TSC2: variants seen among roughly 807,000 people sequenced by gnomAD.
TSC2 encodes TSC complex subunit 2.
In TSC2, 29 loss-of-function variants were observed where a neutral mutation model predicts 202.2. The observed-to-expected ratio is 0.14, with a 90% CI of 0.11 to 0.20. The LOEUF (loss-of-function observed/expected upper bound fraction) is 0.20. TSC2 is among the 10% of genes least tolerant of loss of function. The pLI is 1.00. For missense variants in TSC2, 2,429 were observed against 2,420.0 expected, an observed-to-expected ratio of 1.00 and a Z score of -0.08; for synonymous variants, 1,349 against 1,044.0, an observed-to-expected ratio of 1.29 and a Z score of -5.63.
In TSC2 at chr16:2,056,704, C is replaced by A. The variant is rs1555498859; in HGVS notation, c.709C>A (p.Pro237Thr). ...CYNCLPAESLPLFIVTLCRTI... is the reference protein window; with the variant it reads ...CYNCLPAESLTLFIVTLCRTI... ...CAACTGCCTGCCGGCTGAGAGCCTC[C>A]CGCTGTTCATCGTTACCCTCTGTCG... The change falls in exon 8 of 42, where the codon CCG (proline) becomes ACG (threonine). Residue 237 changes from proline to threonine, a missense_variant. By Grantham distance (38) the Pro-to-Thr change is conservative. Coordinates refer to ENST00000219476, the MANE Select transcript of TSC2 (RefSeq NM_000548.5). The A allele has an allele frequency of 6.2e-7, 1 of 1,612,664 alleles. No homozygotes were observed. Among genetic ancestry groups the A allele is most frequent in the Non-Finnish European group, 8.5e-7 (1 of 1,180,010 alleles).
chr16:2,087,345 C>T (rs1243030859), intron 38 of TSC2: 7 of 335,382 alleles, frequency 2.1e-5, no homozygotes, highest in Non-Finnish European at 4.0e-5. Context: ...CCAGGCAGGG[C>T]AGATAGGCTG....
At chr16:2,083,911 G>A (rs1192249058) in intron 33 of TSC2, 95 bp downstream of exon 33, 2 of 1,497,956 alleles carry the variant, frequency 1.3e-6, no homozygotes, top group Non-Finnish European at 1.8e-6. Flanking sequence ...CTGGGAACTG[G>A]CTCTGAACTT....
At position 2,089,032 on chromosome 16, in the gene TSC2, G is replaced by C. The variant is rs1204114312; in HGVS notation, c.*422G>C. 9.8e-6 allele frequency: 2 copies of C among 203,098 alleles called. No individual in the cohort carries two copies. The highest frequency in any genetic ancestry group is 9.1e-5 in the South Asian group (1 of 10,946). 12.6% of individuals were successfully genotyped at this position (203,098 alleles called of 1,614,324 possible). ...CAGCAGGCCTGGGCGCTGCTCTCTT[G>C]CTACCTGGCCTGGGGCAAGGGAGGA... On this transcript the variant is annotated 3_prime_UTR_variant, in exon 42 of 42. Coordinates refer to ENST00000219476, the MANE Select transcript of TSC2 (RefSeq NM_000548.5).
Position 2,078,783 on chromosome 16 carries a change from C to G in TSC2, c.2967-249C>G, listed in dbSNP as rs547188827. 176 of 565,386 alleles carry G rather than the reference C, an allele frequency of 3.1e-4. 3 individuals are homozygous for G. The highest frequency in any genetic ancestry group is 2.3e-3 in the South Asian group (115 of 50,318). The allele number at this position is 565,386 out of a possible 1,614,324, so 35.0% of individuals were successfully genotyped here. A position where few individuals can be genotyped will look rare whatever the true frequency, so the allele number is the denominator to read the frequency against. Reference sequence around the variant, plus strand: ...CCGTGGGCTTCGGTGAGGGGGATGTCGGTCTCTAGCCTCCTGAGTCTGCTC... The same window carrying G: ...CCGTGGGCTTCGGTGAGGGGGATGTGGGTCTCTAGCCTCCTGAGTCTGCTC... On this transcript the variant is annotated intron_variant, in intron 26 of 41. Transcript: ENST00000219476.
At chr16:2,061,571 G>C in intron 11 of TSC2, 2 of 470,750 alleles carry the variant, frequency 4.2e-6, no homozygotes, top group South Asian at 4.1e-5. Flanking sequence ...AGATTCCTTG[G>C]GGGGTGGGGT....
Position 2,083,651 on chromosome 16 carries a change from C to CT in TSC2, c.3884-43dup, listed in dbSNP as rs750581621. On this transcript the variant is annotated intron_variant, in intron 32 of 41. Transcript: ENST00000219476. ...TCGGAGGCCACGTCAGGGCCAGGGCCTGGCCCAGCCCCACATCCAGCAGCC... is the reference window on the plus strand; with the variant it reads ...TCGGAGGCCACGTCAGGGCCAGGGCCTTGGCCCAGCCCCACATCCAGCAGCC... The CT allele has an allele frequency of 2.6e-6, 4 of 1,557,404 alleles. No individual in the cohort carries two copies. In the Admixed American group the frequency reaches 7.7e-5, roughly 30 times the overall value.
At chr16:2,053,262 G>A (rs2085345948) in intron 3 of TSC2, 80 bp from the exon 4 acceptor site, 6 of 1,413,554 alleles carry the variant, frequency 4.2e-6, no homozygotes, top group African/African-American at 2.8e-5. Context: ...CCTGTCCTCC[G>A]CTCACGGCAC....
chr16:2,074,442 C>G (rs2088962278), intron 22 of TSC2, 53 bp downstream of exon 22: 3 of 1,595,948 alleles, frequency 1.9e-6, no homozygotes, highest in South Asian at 2.2e-5. Flanking sequence ...GCTGTGTAAC[C>G]TGTGCGGGCT....
At chr16:2,073,912 C>T (rs1351863686) in intron 21 of TSC2, among the ~76,000 whole-genome samples, 1 of 152,274 alleles carries the variant, frequency 6.6e-6, no homozygotes, top group African/African-American at 2.4e-5. Flanking sequence ...GGCAGCACTG[C>T]CCCTTGCAAC....
Position 2,054,415 on chromosome 16 carries a change from C to T in TSC2, c.456C>T (p.His152=), listed in dbSNP as rs1596265401. The T allele has an allele frequency of 5.0e-6, 8 of 1,614,222 alleles. No homozygotes were observed. The highest frequency in any genetic ancestry group is 5.9e-6 in the Non-Finnish European group (7 of 1,180,026). The change falls in exon 5 of 42, where the codon CAC becomes CAT. Residue 152 remains histidine (H), a synonymous_variant. Coordinates refer to ENST00000219476, the MANE Select transcript of TSC2 (RefSeq NM_000548.5). Reference sequence around the variant, plus strand: ...AGGCCCTCACAGACAATGGGAGACACATCACCTACTTGGAGGAAGAGCTGG... The same window carrying T: ...AGGCCCTCACAGACAATGGGAGACATATCACCTACTTGGAGGAAGAGCTGG... ...VFKALTDNGR[H]ITYLEEELAD...
intron 18 of TSC2, 72 bp from the exon 19 acceptor site, chr16:2,071,712 G>A (rs2151301732): frequency 6.3e-7 from 1 of 1,595,514 alleles, no homozygotes; most frequent in Non-Finnish European, 8.5e-7. Flanking sequence ...ATGTCCCAGG[G>A]TTGGGAAGAG....
intron 13 of TSC2, 109 bp from the exon 14 acceptor site, chr16:2,062,863 C>T: frequency 3.1e-6 from 4 of 1,287,132 alleles, no homozygotes; most frequent in Non-Finnish European, 4.3e-6. Flanking sequence ...CCCTGTGTGC[C>T]TGGCCGCGGG....
rs757054946 is a variant in TSC2 at position 2,055,388 on chromosome 16, C to T, written c.482-14C>T. 79 of 1,611,168 alleles carry T rather than the reference C, an allele frequency of 4.9e-5. 1 individual carries two copies. The highest frequency in any genetic ancestry group is 1.9e-4 in the South Asian group (17 of 91,008). ...ATTCGGCGTCCTCGCAAACTGCCGC[C>T]GCTTCTCCCCCAGCTGACTTTGTCC... On this transcript the variant is annotated splice_polypyrimidine_tract_variant and intron_variant, in intron 5 of 41. Transcript: ENST00000219476.
chr16:2,075,525 CAAAAAA>C (rs933350142), intron 22 of TSC2, among the ~76,000 whole-genome samples: 116 of 27,290 alleles, frequency 4.3e-3, no homozygotes, highest in African/African-American at 0.013. Flanking sequence ...AGACTCATCT[CAAAAAA>C]AAAAAAAAAA....
chr16:2,080,112 G>C (rs1320003643), intron 29 of TSC2, 53 bp from the exon 30 acceptor site: 24 of 1,606,788 alleles, frequency 1.5e-5, no homozygotes, highest in Admixed American at 3.3e-5. Flanking sequence ...CTTGAGGCTG[G>C]TGGTTTTGCA....
intron 36 of TSC2, among the ~76,000 whole-genome samples, chr16:2,085,630 G>A (rs911691225): frequency 8.5e-5 from 13 of 152,278 alleles, no homozygotes; most frequent in Middle Eastern, 3.4e-3. Flanking sequence ...GTGAGGGAGC[G>A]GGCAGGGGGA....
chr16:2,059,168 G>GCCACA, intron 10 of TSC2, among the ~76,000 whole-genome samples: 1 of 151,648 alleles, frequency 6.6e-6, no homozygotes, highest in South Asian at 2.1e-4. Flanking sequence ...ACAGGTGCCT[G>GCCACA]GTACCATGCC....
intron 33 of TSC2, 67 bp downstream of exon 33, chr16:2,083,883 C>T (rs1246553923): frequency 7.1e-6 from 11 of 1,556,820 alleles, no homozygotes; most frequent in Admixed American, 3.8e-5. Flanking sequence ...CAGGGCTCTG[C>T]GTGGGTGTGC....
intron 21 of TSC2, 120 bp from the exon 22 acceptor site, chr16:2,074,080 C>T (rs2088892422): frequency 1.5e-6 from 2 of 1,293,024 alleles, no homozygotes; most frequent in East Asian, 4.9e-5. Flanking sequence ...GCCCCACAGG[C>T]ATTCAGGGAC....
Sources: gnomAD v4.1 joint callset for allele counts (sites outside exome capture counted in the v4.1 genomes callset) on GRCh38, gnomAD v4.1.1 for gene constraint, MANE v1.5 for transcripts, NCBI Gene and HGNC (gene_info 2026-07-23, HGNC 2026-07-21) for gene names.